TLK1: variants seen among roughly 807,000 people sequenced by gnomAD.
TLK1 encodes tousled like kinase 1.
Under a neutral mutation model 105.3 loss-of-function variants are expected in TLK1, and 24 were observed. That is an observed-to-expected ratio of 0.23 (90% CI 0.17 to 0.32). TLK1 has a LOEUF of 0.32. Ranked by LOEUF, TLK1 falls within the 10% of genes least tolerant of loss-of-function variation. The pLI, the probability that TLK1 is intolerant of heterozygous loss-of-function variation, is 1.00. For missense variants in TLK1, 558 were observed against 910.5 expected (o/e 0.61, Z 4.98); for synonymous variants, 321 against 310.4 (o/e 1.03, Z -0.36).
chr2:171,072,700 G>A (rs555437639), intron 3 of TLK1, among the ~76,000 whole-genome samples: 2 of 152,274 alleles, frequency 1.3e-5, no homozygotes, highest in East Asian at 1.9e-4. Flanking sequence ...CTCAGGAGGC[G>A]GAGGGTGCAG....
chr2:171,206,900 C>T (rs1057362851), intron 1 of TLK1, among the ~76,000 whole-genome samples: 1 of 152,182 alleles, frequency 6.6e-6, no homozygotes, highest in African/African-American at 2.4e-5. Context: ...ACTGACAACA[C>T]CAAGTGCTGA....
chr2:171,067,160 G>GT (rs11399480), intron 3 of TLK1, among the ~76,000 whole-genome samples: 78,794 of 140,972 alleles, frequency 0.56, 23,678 homozygotes, highest in East Asian at 0.93. Flanking sequence ...GTGCACTTAG[G>GT]TTTTTTTTTT....
chr2:171,013,106 G>A (rs911343305), intron 13 of TLK1, among the ~76,000 whole-genome samples: 12 of 151,024 alleles, frequency 7.9e-5, no homozygotes, highest in Non-Finnish European at 1.5e-4. Flanking sequence ...TCCGCCTCCC[G>A]GGTTCAAGTG....
At chr2:171,120,369 A>T (rs1312332985) in intron 1 of TLK1, among the ~76,000 whole-genome samples, 1 of 152,006 alleles carries the variant, frequency 6.6e-6, no homozygotes, top group Non-Finnish European at 1.5e-5. Context: ...AACCCACAGA[A>T]TGGAAAAAAT....
intron 2 of TLK1, among the ~76,000 whole-genome samples, chr2:171,097,431 G>T (rs1689497361): frequency 6.6e-6 from 1 of 152,076 alleles, no homozygotes; most frequent in South Asian, 2.1e-4. Context: ...TTTTGAAAAT[G>T]ATCCCAAAAA....
At chr2:171,012,719 C>T (rs959558155) in intron 13 of TLK1, among the ~76,000 whole-genome samples, 5 of 152,088 alleles carry the variant, frequency 3.3e-5, no homozygotes, top group Non-Finnish European at 7.4e-5. Context: ...CCTTGTGATC[C>T]GCCTGCCTCG....
At chr2:171,028,071 G>A (rs1261619734) in intron 12 of TLK1, among the ~76,000 whole-genome samples, 1 of 152,156 alleles carries the variant, frequency 6.6e-6, no homozygotes, top group Non-Finnish European at 1.5e-5. Context: ...GCTGAAGCAC[G>A]AAAATTGCTT....
intron 2 of TLK1, among the ~76,000 whole-genome samples, chr2:171,087,106 C>A (rs1183490837): frequency 6.6e-6 from 1 of 152,170 alleles, no homozygotes; most frequent in Non-Finnish European, 1.5e-5. Flanking sequence ...TGTAATGTGT[C>A]ATTCACAGCG....
intron 1 of TLK1, among the ~76,000 whole-genome samples, chr2:171,175,319 G>A (rs1692800799): frequency 6.6e-6 from 1 of 151,614 alleles, no homozygotes; most frequent in Non-Finnish European, 1.5e-5. Context: ...AAAAAAAAAA[G>A]AAATAGTAGT....
At chr2:171,126,721 G>A (rs1054079814) in intron 1 of TLK1, among the ~76,000 whole-genome samples, 3 of 151,794 alleles carry the variant, frequency 2.0e-5, no homozygotes, top group Admixed American at 6.6e-5. Context: ...AAAACTTCCT[G>A]AAGTCTAAAA....
chr2:171,181,661 C>A (rs1191933572), intron 1 of TLK1, among the ~76,000 whole-genome samples: 1 of 152,078 alleles, frequency 6.6e-6, no homozygotes, highest in East Asian at 1.9e-4. Flanking sequence ...GGGAGAGGCA[C>A]CTGGCTCTTT....
intron 1 of TLK1, among the ~76,000 whole-genome samples, chr2:171,214,559 G>A (rs1022810319): frequency 6.6e-6 from 1 of 152,162 alleles, no homozygotes; most frequent in African/African-American, 2.4e-5. Flanking sequence ...GAGTCGCCTT[G>A]AGGGCTTGTT....
chr2:171,058,223 T>C (rs780895672), intron 4 of TLK1, 26 bp from the exon 5 acceptor site: 5 of 1,610,716 alleles, frequency 3.1e-6, no homozygotes, highest in Non-Finnish European at 4.2e-6. Flanking sequence ...CGCATGATGT[T>C]AGTAGGGTAG....
chr2:171,082,728 G>A (rs1558931517), intron 3 of TLK1, 53 bp downstream of exon 3: 7 of 1,335,820 alleles, frequency 5.2e-6, no homozygotes, highest in South Asian at 5.0e-5. Flanking sequence ...TAATTAAAAC[G>A]GTGATTCCAG....
At position 171,216,272 on chromosome 2, in the gene TLK1, T is replaced by C. The variant is rs576943295; in HGVS notation, c.-6+14873A>G. 7.9e-5 allele frequency among the ~76,000 whole-genome samples: 12 copies of C among 152,116 alleles called. No homozygotes were observed. The South Asian group carries it at 1.2e-3, about 16-fold the overall frequency. ...CGGGCAGATCACGAGGTCAGGAGAT[T>C]GAGACCATCCTGGCTAATACGGTGA... On this transcript the variant is annotated intron_variant, in intron 1 of 20. Transcript: ENST00000521943.
At chr2:171,159,925 A>C in intron 1 of TLK1, 2 of 183,142 alleles carry the variant, frequency 1.1e-5, no homozygotes, top group African/African-American at 2.4e-5. Flanking sequence ...ACCGGAGGCC[A>C]GGAGGTTAAG....
intron 18 of TLK1, among the ~76,000 whole-genome samples, chr2:171,003,058 A>C (rs537918587): frequency 0.011 from 1,619 of 151,874 alleles, 11 homozygotes; most frequent in Admixed American, 0.02. Context: ...GTGGATCATG[A>C]GGTCAGGAGA....
At chr2:171,209,584 A>G (rs1362211155) in intron 1 of TLK1, among the ~76,000 whole-genome samples, 8 of 152,164 alleles carry the variant, frequency 5.3e-5, no homozygotes, top group African/African-American at 1.9e-4. Flanking sequence ...TTGTAAGTCT[A>G]TTTGTTGAAG....
chr2:171,079,611 C>A (rs1688659289), intron 3 of TLK1, among the ~76,000 whole-genome samples: 1 of 152,192 alleles, frequency 6.6e-6, no homozygotes, highest in Non-Finnish European at 1.5e-5. Flanking sequence ...ACAATACCTT[C>A]TTACCTACCA....
Sources: gnomAD v4.1 joint callset for allele counts (sites outside exome capture counted in the v4.1 genomes callset) on GRCh38, gnomAD v4.1.1 for gene constraint, MANE v1.5 for transcripts, NCBI Gene and HGNC (gene_info 2026-07-23, HGNC 2026-07-21) for gene names.